MGST1: variants seen among roughly 807,000 people sequenced by gnomAD.
MGST1 encodes the protein microsomal glutathione S-transferase 1, also known as glutathione S-transferase 12.
A neutral mutation model predicts 8.9 loss-of-function variants in MGST1; 5 were observed. The observed-to-expected ratio is 0.56, with a 90% CI of 0.29 to 1.19. The LOEUF (loss-of-function observed/expected upper bound fraction) is 1.19. Ranked by LOEUF, MGST1 falls within the 50% of genes most tolerant of loss-of-function variation. The pLI, the probability that MGST1 is intolerant of heterozygous loss-of-function variation, is 0.08. For synonymous variants in MGST1, 54 were observed against 67.8 expected, an observed-to-expected ratio of 0.80 and a Z score of 1.00; for missense variants, 182 against 187.4, an observed-to-expected ratio of 0.97 and a Z score of 0.17.
chr12:16,412,563 T>C (rs1039608819), intron 1 of MGST1, among the ~76,000 whole-genome samples: 2 of 152,150 alleles, frequency 1.3e-5, no homozygotes, highest in African/African-American at 4.8e-5. Context: ...TCACCTTGAA[T>C]TGTAGCTCCC....
chr12:16,551,227 G>A (rs751584255), intron 4 of MGST1: 17 of 1,593,534 alleles, frequency 1.1e-5, no homozygotes, highest in Admixed American at 1.7e-5. Context: ...ATAGATCAGC[G>A]AACCTGGGGT....
chr12:16,360,841 A>G (rs1591701095), intron 3 of MGST1, among the ~76,000 whole-genome samples: 1 of 152,168 alleles, frequency 6.6e-6, no homozygotes, highest in Non-Finnish European at 1.5e-5. Context: ...GTTGAACTGG[A>G]TGATGTCCCT....
chr12:16,556,907 T>C (rs1468684512), intron 4 of MGST1, among the ~76,000 whole-genome samples: 1 of 152,182 alleles, frequency 6.6e-6, no homozygotes, highest in Non-Finnish European at 1.5e-5. Context: ...CATTATGGCA[T>C]GTAATAAATG....
At chr12:16,580,739 A>T (rs1210878163) in intron 4 of MGST1, among the ~76,000 whole-genome samples, 2 of 152,138 alleles carry the variant, frequency 1.3e-5, no homozygotes, top group Non-Finnish European at 2.9e-5. Context: ...TAGAGCAAAC[A>T]TTAGTAGGTT....
intron 1 of MGST1, among the ~76,000 whole-genome samples, chr12:16,419,561 A>G (rs1418648586): frequency 1.3e-5 from 2 of 152,218 alleles, no homozygotes; most frequent in Non-Finnish European, 2.9e-5. Context: ...TGTAGGAAAT[A>G]TGGAGAATAA....
At chr12:16,545,681 A>G (rs1417027010) in intron 4 of MGST1, among the ~76,000 whole-genome samples, 2 of 152,056 alleles carry the variant, frequency 1.3e-5, no homozygotes, top group African/African-American at 4.8e-5. Context: ...TATATGAAGA[A>G]TCCTCTATTC....
intron 3 of MGST1, chr12:16,370,101 CATT>C (rs1221934373): frequency 6.6e-6 from 1 of 152,198 alleles, no homozygotes; most frequent in Non-Finnish European, 1.5e-5. Context: ...AACTTTATGA[CATT>C]ATGCAATTAA....
chr12:16,506,656 C>T (rs1164377517), intron 4 of MGST1, among the ~76,000 whole-genome samples: 2 of 152,234 alleles, frequency 1.3e-5, no homozygotes, highest in Admixed American at 1.3e-4. Flanking sequence ...TGTGCCATGC[C>T]AATTCATCTG....
chr12:16,499,101 T>C (rs1941488278), intron 4 of MGST1, among the ~76,000 whole-genome samples: 1 of 152,218 alleles, frequency 6.6e-6, no homozygotes, highest in African/African-American at 2.4e-5. Context: ...TGAGGAATTT[T>C]ATGGGACCCT....
intron 1 of MGST1, chr12:16,350,894 G>A (rs1465910980): frequency 6.6e-6 from 1 of 152,138 alleles, no homozygotes; most frequent in African/African-American, 2.4e-5. Context: ...TCTGTGTGAA[G>A]TGCACAGTGT....
Position 16,482,631 on chromosome 12 carries a change from G to T in MGST1, n.482+99027G>T, listed in dbSNP as rs1191896452. Among the ~76,000 whole-genome samples the T allele has an allele frequency of 1.2e-5, 1 of 80,874 alleles. No homozygotes were observed. Among genetic ancestry groups the T allele is most frequent in the African/African-American group, 3.2e-5 (1 of 30,990 alleles). The allele number at this position is 80,874 out of a possible 152,430, so 53.1% of individuals were successfully genotyped here. On this transcript the variant is annotated intron_variant and non_coding_transcript_variant, in intron 4 of 4. Transcript: ENST00000538857. The surrounding 1 kb of genome is among the most constrained non-coding windows in gnomAD (Gnocchi z 4.2). The stretch of plus-strand genomic sequence containing the variant: ...GGGTTACAGAGCAAGACTCTGTCTG[G>T]AAGAAAAAAAAAAAAGAGTGAGAAC...
intron 1 of MGST1, among the ~76,000 whole-genome samples, chr12:16,353,801 C>T (rs1357866462): frequency 2.0e-5 from 3 of 148,172 alleles, no homozygotes; most frequent in Admixed American, 6.7e-5. Context: ...TCTCTGTCGC[C>T]CAGGCTACAG....
chr12:16,541,938 G>A (rs1167989528), intron 4 of MGST1, among the ~76,000 whole-genome samples: 1 of 152,150 alleles, frequency 6.6e-6, no homozygotes, highest in Non-Finnish European at 1.5e-5. Context: ...ATGGTGACAA[G>A]ATGCCCAGAG....
chr12:16,557,955 G>A, intron 4 of MGST1, among the ~76,000 whole-genome samples: 1 of 151,924 alleles, frequency 6.6e-6, no homozygotes, highest in East Asian at 1.9e-4. Flanking sequence ...TGATAATACT[G>A]ATAATATTTA....
chr12:16,413,542 G>A lies in MGST1; in HGVS notation n.779-23846G>A, dbSNP rs1156321199. ...CATCCGTATCTGGATTGAAAGGGTA[G>A]ATGGTGAAATACCCATCACACCTGA... On this transcript the variant is annotated intron_variant and non_coding_transcript_variant, in intron 1 of 1. Transcript: ENST00000359720. The surrounding 1 kb of genome is among the most constrained non-coding windows in gnomAD (Gnocchi z 4.0). Among the ~76,000 whole-genome samples, 3 of 152,144 alleles carry A rather than the reference G, an allele frequency of 2.0e-5. No individual in the cohort carries two copies. The highest frequency in any genetic ancestry group is 7.2e-5 in the African/African-American group (3 of 41,432).
chr12:16,368,036 G>A (rs1336675187), downstream of MGST1, among the ~76,000 whole-genome samples: 2 of 151,150 alleles, frequency 1.3e-5, no homozygotes, highest in Non-Finnish European at 2.9e-5. Flanking sequence ...TGTCTATGCT[G>A]AGTTTAGCTA....
At chr12:16,540,457 A>G (rs1391134827) in intron 4 of MGST1, among the ~76,000 whole-genome samples, 1 of 152,140 alleles carries the variant, frequency 6.6e-6, no homozygotes, top group Non-Finnish European at 1.5e-5. Context: ...GGAACTGAAT[A>G]TGTGTTCTTA....
In MGST1 at chr12:16,504,387, T is replaced by C. The variant is rs149996965; in HGVS notation, n.483-85141T>C. On this transcript the variant is annotated intron_variant and non_coding_transcript_variant, in intron 4 of 4. Coordinates refer to the MGST1 transcript ENST00000538857. ...CACTTTCTCCCACGCCTAGATGCTTTGAAACCCCTTTTTCTCTACCTCTAA... is the reference window on the plus strand; with the variant it reads ...CACTTTCTCCCACGCCTAGATGCTTCGAAACCCCTTTTTCTCTACCTCTAA... 2.1e-3 allele frequency among the ~76,000 whole-genome samples: 327 copies of C among 152,338 alleles called. 1 individual carries two copies. Among genetic ancestry groups the C allele is most frequent in the African/African-American group, 7.5e-3 (313 of 41,582 alleles).
chr12:16,400,790 A>G, intron 1 of MGST1: 3 of 1,243,706 alleles, frequency 2.4e-6, no homozygotes, highest in Non-Finnish European at 2.4e-6. Context: ...AGGTGTTGCA[A>G]TGCCAAACAC....
Sources: gnomAD v4.1 joint callset for allele counts (sites outside exome capture counted in the v4.1 genomes callset) on GRCh38, gnomAD v4.1.1 for gene constraint, Gnocchi (gnomAD v3.1) non-coding constraint, MANE v1.5 for transcripts, NCBI Gene and HGNC (gene_info 2026-07-23, HGNC 2026-07-21) for gene names.